ACIN1: variants seen among roughly 807,000 people sequenced by gnomAD.
The protein encoded by ACIN1 is apoptotic chromatin condensation inducer 1, also known as apoptotic chromatin condensation inducer in the nucleus.
ACIN1 carries 16 observed loss-of-function variants against 146.6 expected under a neutral mutation model. The ratio of observed to expected loss-of-function variants is 0.11; its 90% CI spans 0.07 to 0.17. The LOEUF (loss-of-function observed/expected upper bound fraction) is 0.17. Among genes scored for constraint, ACIN1 ranks in the 10% least tolerant of loss-of-function variants. ACIN1 has a pLI of 1.00. For synonymous variants in ACIN1, 569 were observed against 582.7 expected (o/e 0.98, Z 0.34); for missense variants, 1,357 against 1,609.3 (o/e 0.84, Z 2.68).
At chr14:23,060,994 G>A (rs930253359) in intron 18 of ACIN1, 90 bp downstream of exon 18, 41 of 1,259,352 alleles carry the variant, frequency 3.3e-5, no homozygotes, top group African/African-American at 2.8e-4. Context: ...TACTTGGGCC[G>A]ACTCACTCTC....
Position 23,095,030 on chromosome 14 carries a change from T to C in ACIN1, c.83A>G (p.Gln28Arg), listed in dbSNP as rs2048339367. The stretch of plus-strand genomic sequence containing the variant: ...CTGCCCGCTCTTGGCTAGGCCTCGC[T>C]GCTCCAGTGCGGCCTTCAGGTCGGT... ...RVTDLKAALE[Q>R]RGLAKSGQKS... Residue 28 changes from glutamine to arginine, a missense_variant, in exon 1 of 19, where the codon CAG becomes CGG. This residue lies in a region of ACIN1 where 55 missense variants were observed against 123.9 expected (regional missense o/e 0.44). Transcript: ENST00000605057. 1 of 1,612,750 alleles carries C rather than the reference T, an allele frequency of 6.2e-7. No individual in the cohort carries two copies. The highest frequency in any genetic ancestry group is 1.7e-5 in the Admixed American group (1 of 60,014).
rs2047192857 is a variant in ACIN1 at position 23,059,333 on chromosome 14, G to A, written c.3667C>T (p.Arg1223Trp). ...RNRQLEREKR[R>W]EHSRERDRER... ...CTGTCCCTCTCCCGACTGTGCTCCC[G>A]ACGTTTCTCTCGCTCCAGCTGTCGG... The change falls in exon 19 of 19, where the codon CGG becomes TGG. Residue 1223 changes from arginine to tryptophan, a missense_variant. Transcript: ENST00000605057. 1 of 1,604,452 alleles carries A rather than the reference G, an allele frequency of 6.2e-7. No homozygotes were observed. Among genetic ancestry groups the A allele is most frequent in the African/African-American group, 1.3e-5 (1 of 74,574 alleles).
chr14:23,085,081 C>T (rs2048053324), intron 4 of ACIN1, among the ~76,000 whole-genome samples: 3 of 151,982 alleles, frequency 2.0e-5, no homozygotes, highest in Admixed American at 6.5e-5. Context: ...CAGTGGCTCA[C>T]GCCTGTAATC....
rs1175890265 is a variant in ACIN1, at chr14:23,059,075, T to G, written c.*73A>C. On this transcript the variant is annotated 3_prime_UTR_variant, in exon 19 of 19. Coordinates refer to ENST00000605057, the MANE Select transcript of ACIN1 (RefSeq NM_001386863.1). ...CCCTTGGCTCCAGGGTGGTGGAGAC[T>G]GTGCCTATCCCTCTGTGGCCATAAC... The G allele has an allele frequency of 6.8e-5, 98 of 1,439,366 alleles. No homozygotes were observed. Among genetic ancestry groups the G allele is most frequent in the Non-Finnish European group, 9.3e-5 (97 of 1,041,096 alleles). The allele number at this position is 1,439,366 out of a possible 1,614,324, so 89.2% of individuals were successfully genotyped here.
rs898621043 is a variant in ACIN1 at position 23,067,929 on chromosome 14, C to T, written c.2265+1547G>A. The T allele has an allele frequency of 6.1e-6, 6 of 985,828 alleles. No individual in the cohort carries two copies. Among genetic ancestry groups the T allele is most frequent in the East Asian group, 1.1e-4 (1 of 8,812 alleles). 61.1% of individuals were successfully genotyped at this position (985,828 alleles called of 1,614,324 possible). On this transcript the variant is annotated intron_variant, in intron 9 of 18. Coordinates refer to ENST00000605057, the MANE Select transcript of ACIN1 (RefSeq NM_001386863.1). The surrounding 1 kb of genome is among the most constrained non-coding windows in gnomAD (Gnocchi z 4.6). ...GCAGCAAGGTCAGAATACTTCTCTTCGGAGAGTTGTGGCTGGCATCTCCTC... is the reference window on the plus strand; with the variant it reads ...GCAGCAAGGTCAGAATACTTCTCTTTGGAGAGTTGTGGCTGGCATCTCCTC...
upstream of ACIN1, chr14:23,095,498 G>A: frequency 1.6e-6 from 1 of 633,798 alleles, no homozygotes; most frequent in Non-Finnish European, 2.6e-6. Context: ...TCCGAGGCCG[G>A]AAGTGCGTGG....
chr14:23,060,212 G>T (rs541489966), intron 18 of ACIN1, among the ~76,000 whole-genome samples: 1 of 151,700 alleles, frequency 6.6e-6, no homozygotes, highest in Non-Finnish European at 1.5e-5. Context: ...TAGATGATCC[G>T]CCCACCTCAG....
chr14:23,069,267 G>A lies in ACIN1; in HGVS notation c.2265+209C>T, dbSNP rs2047554564. The A allele has an allele frequency of 7.2e-6, 9 of 1,249,552 alleles. No homozygotes were observed. In the South Asian group the frequency reaches 1.6e-4, roughly 22 times the overall value. 77.4% of individuals were successfully genotyped at this position (1,249,552 alleles called of 1,614,324 possible). ...GTCTGGGCACTACTTCCCCAACAAG[G>A]AAAGGAAAATGAATGAGCCCTGTCC... On this transcript the variant is annotated intron_variant, in intron 9 of 18. Transcript: ENST00000605057.
chr14:23,078,368 G>C (rs2047855192), intron 7 of ACIN1, 102 bp from the exon 8 acceptor site: 1 of 871,882 alleles, frequency 1.1e-6, no homozygotes, highest in Non-Finnish European at 1.8e-6. Context: ...GACATACACA[G>C]TACCAGCTCC....
Position 23,064,213 on chromosome 14 carries a change from A to G in ACIN1, c.2487T>C (p.Val829=), listed in dbSNP as rs754422933. ...DIKPLAGQEA[V]VDLHADDSRI... ...GAGAGTCATCAGCATGAAGATCCAC[A>G]ACAGCCTCCTGCCCCGCCAGGGGTT... is the stretch of plus-strand genomic sequence containing the variant. The change falls in exon 12 of 19, where the codon GTT becomes GTC. Residue 829 remains valine (V), a synonymous_variant. Transcript: ENST00000605057. 2 of 1,613,988 alleles carry G rather than the reference A, an allele frequency of 1.2e-6. No individual in the cohort carries two copies. Among genetic ancestry groups the G allele is most frequent in the South Asian group, 1.1e-5 (1 of 91,084 alleles).
At chr14:23,078,339 C>T in intron 7 of ACIN1, 73 bp from the exon 8 acceptor site, 1 of 1,387,646 alleles carries the variant, frequency 7.2e-7, no homozygotes, top group Non-Finnish European at 1.0e-6. Flanking sequence ...CTACCTGGAG[C>T]CTGAAAAAGG....
chr14:23,087,428 A>G (rs1473820041), intron 4 of ACIN1, among the ~76,000 whole-genome samples: 1 of 151,038 alleles, frequency 6.6e-6, no homozygotes, highest in Non-Finnish European at 1.5e-5. Context: ...CATATTTTCC[A>G]ATTTATTTTT....
intron 1 of ACIN1, 48 bp downstream of exon 1, chr14:23,094,927 C>T: frequency 6.5e-7 from 1 of 1,537,582 alleles, no homozygotes; most frequent in South Asian, 1.2e-5. Context: ...AGGCTCGTCT[C>T]TACCGGGTCC....
intron 8 of ACIN1, among the ~76,000 whole-genome samples, chr14:23,073,839 CTTTT>C (rs530712203): frequency 2.2e-5 from 3 of 135,840 alleles, no homozygotes; most frequent in African/African-American, 2.8e-5. Context: ...TTGAAAATTC[CTTTT>C]TTTTTTTTTT....
At chr14:23,065,363 G>A (rs1163382478) in intron 10 of ACIN1, among the ~76,000 whole-genome samples, 1 of 152,188 alleles carries the variant, frequency 6.6e-6, no homozygotes, top group African/African-American at 2.4e-5. Flanking sequence ...CAAGGCAGGC[G>A]GATCACAAGG....
At position 23,059,792 on chromosome 14, in the gene ACIN1, C is replaced by T. The variant is rs150503518; in HGVS notation, c.3526-318G>A. On this transcript the variant is annotated intron_variant, in intron 18 of 18. Transcript: ENST00000605057. ...CCTCAGCCTGCTGAGCAGCTGGGAC[C>T]ACAGGCGCCCGCGACCACGCCCGGC... Among the ~76,000 whole-genome samples, 723 of 151,302 alleles carry T rather than the reference C, an allele frequency of 4.8e-3. 7 individuals are homozygous for T. Among genetic ancestry groups the T allele is most frequent in the African/African-American group, 0.017 (683 of 41,162 alleles).
chr14:23,060,306 G>T (rs2139981292), intron 18 of ACIN1, among the ~76,000 whole-genome samples: 1 of 151,962 alleles, frequency 6.6e-6, no homozygotes, highest in East Asian at 1.9e-4. Flanking sequence ...ACAGGTACTG[G>T]CACCATCCAT....
chr14:23,068,252 C>CT lies in ACIN1; in HGVS notation c.2265+1223dup, dbSNP rs1185625012. ...ACTGCGATCACAAACTTTAGGAGGTCTTGGTGCCCTAGATGGGGATCCCAA... is the reference window on the plus strand; with the variant it reads ...ACTGCGATCACAAACTTTAGGAGGTCTTTGGTGCCCTAGATGGGGATCCCAA... On this transcript the variant is annotated intron_variant, in intron 9 of 18. Transcript: ENST00000605057. This position sits in a 1 kb window ranked among gnomAD's most constrained non-coding sequence, Gnocchi z 4.3. The CT allele has an allele frequency of 2.0e-6, 2 of 985,764 alleles. No homozygotes were observed. Among genetic ancestry groups the CT allele is most frequent in the African/African-American group, 3.5e-5 (2 of 57,244 alleles). The allele number at this position is 985,764 out of a possible 1,614,324, so 61.1% of individuals were successfully genotyped here. A position where few individuals can be genotyped will look rare whatever the true frequency, so the allele number is the denominator to read the frequency against.
chr14:23,083,783 C>A lies in ACIN1; in HGVS notation c.437-1947G>T, dbSNP rs200713498. On this transcript the variant is annotated intron_variant, in intron 4 of 18. Coordinates refer to ENST00000605057, the MANE Select transcript of ACIN1 (RefSeq NM_001386863.1). ...GTAGCAATACTAACATCAATGAGAA[C>A]CAGTTTAGAAAATAGCAGGAAGATA... Among the ~76,000 whole-genome samples, 3 of 152,104 alleles carry A rather than the reference C, an allele frequency of 2.0e-5. No homozygotes were observed. In the East Asian group the frequency reaches 5.8e-4, roughly 29 times the overall value.
Sources: allele counts gnomAD v4.1 joint callset (sites outside exome capture counted in the v4.1 genomes callset), GRCh38; gene constraint gnomAD v4.1.1; regional missense constraint gnomAD v4.1.1; non-coding constraint Gnocchi (gnomAD v3.1); transcripts MANE v1.5; gene names NCBI Gene and HGNC (gene_info 2026-07-23, HGNC 2026-07-21).